AFAP1L1: variants seen among roughly 807,000 people sequenced by gnomAD.
AFAP1L1 encodes actin filament-associated protein 1-like 1.
Under a neutral mutation model 99.8 loss-of-function variants are expected in AFAP1L1, and 77 were observed. The observed-to-expected ratio is 0.77, with a 90% CI of 0.64 to 0.93. The LOEUF is 0.93. Ranked by LOEUF, AFAP1L1 falls within the 40% of genes least tolerant of loss-of-function variation. AFAP1L1 has a pLI of 0.00. For synonymous variants in AFAP1L1, 373 were observed against 395.3 expected, an observed-to-expected ratio of 0.94 and a Z score of 0.67; for missense variants, 893 against 996.8, an observed-to-expected ratio of 0.90 and a Z score of 1.40.
At chr5:149,300,493 G>A (rs1339311687) in intron 3 of AFAP1L1, 139 bp downstream of exon 3, 1 of 663,936 alleles carries the variant, frequency 1.5e-6, no homozygotes, top group Non-Finnish European at 2.6e-6. Context: ...GCCCCTCTGG[G>A]TTCTGCCAGC....
intron 5 of AFAP1L1, among the ~76,000 whole-genome samples, chr5:149,302,989 C>T (rs140582283): frequency 2.0e-5 from 3 of 152,154 alleles, no homozygotes; most frequent in Admixed American, 6.5e-5. Flanking sequence ...CGAGTCAATG[C>T]GTAAAATAAA....
At chr5:149,307,076 A>G (rs62378116) in intron 6 of AFAP1L1, among the ~76,000 whole-genome samples, 7,497 of 152,134 alleles carry the variant, frequency 0.049, 199 homozygotes, top group African/African-American at 0.062. Flanking sequence ...GTGAAACCCC[A>G]TCTCTACTAA....
In AFAP1L1 at chr5:149,302,536, G is replaced by C. The variant is rs1412692345; in HGVS notation, c.436+10G>C. The C allele has an allele frequency of 6.4e-7, 1 of 1,564,716 alleles. No individual in the cohort carries two copies. The highest frequency in any genetic ancestry group is 1.3e-5 in the African/African-American group (1 of 74,078). On this transcript the variant is annotated intron_variant, in intron 5 of 18. Coordinates refer to ENST00000296721, the MANE Select transcript of AFAP1L1 (RefSeq NM_152406.4). ...TACATCAGCTCCCACAGTAAGTTCT[G>C]GTCCTCTTGGTGGGGCTGGGGACTT...
chr5:149,338,684 C>T (rs1443442349), intron 18 of AFAP1L1, among the ~76,000 whole-genome samples: 1 of 152,216 alleles, frequency 6.6e-6, no homozygotes, highest in African/African-American at 2.4e-5. Context: ...GAAGACAAGA[C>T]TTTAAATACC....
chr5:149,303,105 A>G (rs1235496963), intron 5 of AFAP1L1, among the ~76,000 whole-genome samples: 1 of 152,262 alleles, frequency 6.6e-6, no homozygotes, highest in Non-Finnish European at 1.5e-5. Flanking sequence ...TATTTAATTC[A>G]ACATATCTTT....
intron 16 of AFAP1L1, among the ~76,000 whole-genome samples, chr5:149,332,374 C>T (rs775664215): frequency 4.7e-5 from 7 of 150,276 alleles, no homozygotes; most frequent in Non-Finnish European, 8.9e-5. Flanking sequence ...CCACCCTGGG[C>T]GACAGAGCGA....
At chr5:149,319,396 T>C (rs1214815386) in intron 12 of AFAP1L1, among the ~76,000 whole-genome samples, 186 bp from the exon 13 acceptor site, 1 of 152,188 alleles carries the variant, frequency 6.6e-6, no homozygotes, top group African/African-American at 2.4e-5. Context: ...ATTGGAAACC[T>C]GAATAGATGG....
chr5:149,290,961 C>T (rs1349565511), intron 1 of AFAP1L1, among the ~76,000 whole-genome samples: 2 of 152,198 alleles, frequency 1.3e-5, no homozygotes, highest in Non-Finnish European at 2.9e-5. Flanking sequence ...GGGAAAGTGA[C>T]CATCATCAAA....
At chr5:149,305,619 C>T (rs746927432) in intron 5 of AFAP1L1, among the ~76,000 whole-genome samples, 4 of 152,136 alleles carry the variant, frequency 2.6e-5, no homozygotes, top group Non-Finnish European at 5.9e-5. Flanking sequence ...CTAACCCCAG[C>T]ACTGCACCGT....
chr5:149,318,043 C>T lies in AFAP1L1; in HGVS notation c.1479+103C>T, dbSNP rs1363096243. 3.0e-6 allele frequency: 4 copies of T among 1,345,054 alleles called. No individual in the cohort carries two copies. The African/African-American group carries it at 4.4e-5, about 15-fold the overall frequency. 83.3% of individuals were successfully genotyped at this position (1,345,054 alleles called of 1,614,324 possible). A position where few individuals can be genotyped will look rare whatever the true frequency, so the allele number is the denominator to read the frequency against. ...GCCCTTGCTACTGACACCATGGGGACTGAAGGGGAAGGAAAGCAAGCCTCA... is the reference window on the plus strand; with the variant it reads ...GCCCTTGCTACTGACACCATGGGGATTGAAGGGGAAGGAAAGCAAGCCTCA... On this transcript the variant is annotated intron_variant, in intron 12 of 18. Coordinates refer to ENST00000296721, the MANE Select transcript of AFAP1L1 (RefSeq NM_152406.4).
intron 5 of AFAP1L1, among the ~76,000 whole-genome samples, chr5:149,305,580 T>C (rs2127595486): frequency 6.6e-6 from 1 of 152,284 alleles, no homozygotes; most frequent in South Asian, 2.1e-4. Flanking sequence ...CAGGTGATTC[T>C]GATACAGAAT....
intron 1 of AFAP1L1, among the ~76,000 whole-genome samples, chr5:149,277,429 T>A (rs1755370890): frequency 6.6e-6 from 1 of 152,180 alleles, no homozygotes; most frequent in Non-Finnish European, 1.5e-5. Context: ...CCCTACAGTG[T>A]CCATTGACCA....
intron 1 of AFAP1L1, among the ~76,000 whole-genome samples, chr5:149,291,336 G>A (rs1228564451): frequency 1.3e-5 from 2 of 151,658 alleles, no homozygotes; most frequent in African/African-American, 4.8e-5. Flanking sequence ...ACACCATCCT[G>A]GCCAACATGG....
chr5:149,279,568 C>T (rs1337596289), intron 1 of AFAP1L1, among the ~76,000 whole-genome samples: 1 of 152,238 alleles, frequency 6.6e-6, no homozygotes, highest in Non-Finnish European at 1.5e-5. Context: ...TTGGGGAGAC[C>T]GCCTGATGCA....
At chr5:149,328,428 G>T (rs1220234704) in intron 15 of AFAP1L1, among the ~76,000 whole-genome samples, 1 of 152,194 alleles carries the variant, frequency 6.6e-6, no homozygotes, top group Non-Finnish European at 1.5e-5. Context: ...GGAGACATGG[G>T]TTTAACCTCG....
chr5:149,273,769 C>G (rs1755216258), intron 1 of AFAP1L1, among the ~76,000 whole-genome samples: 1 of 151,872 alleles, frequency 6.6e-6, no homozygotes, highest in Admixed American at 6.6e-5. Context: ...CCCCCCTCCC[C>G]TTCACACTCC....
intron 17 of AFAP1L1, among the ~76,000 whole-genome samples, chr5:149,334,560 A>C (rs1293385645): frequency 6.6e-6 from 1 of 152,194 alleles, no homozygotes; most frequent in Non-Finnish European, 1.5e-5. Flanking sequence ...TATCTGGAAA[A>C]ATGTAAGGGG....
At chr5:149,296,215 T>C (rs1349248456) in intron 1 of AFAP1L1, among the ~76,000 whole-genome samples, 2 of 152,144 alleles carry the variant, frequency 1.3e-5, no homozygotes, top group Non-Finnish European at 2.9e-5. Flanking sequence ...TTGTATACTT[T>C]TGTAGATGGG....
At chr5:149,310,292 G>A (rs1277955459) in intron 8 of AFAP1L1, among the ~76,000 whole-genome samples, 157 bp downstream of exon 8, 1 of 152,218 alleles carries the variant, frequency 6.6e-6, no homozygotes, top group Non-Finnish European at 1.5e-5. Flanking sequence ...ATGGAAATGG[G>A]CCTCGGATAT....
Sources: gnomAD v4.1 joint callset for allele counts (sites outside exome capture counted in the v4.1 genomes callset) on GRCh38, gnomAD v4.1.1 for gene constraint, MANE v1.5 for transcripts, NCBI Gene and HGNC (gene_info 2026-07-23, HGNC 2026-07-21) for gene names.